PLCE1: variants seen among roughly 807,000 people sequenced by gnomAD.
The protein encoded by PLCE1 is 1-phosphatidylinositol 4,5-bisphosphate phosphodiesterase epsilon-1.
A neutral mutation model predicts 242.8 loss-of-function variants in PLCE1; 119 were observed. The observed-to-expected ratio is 0.49, with a 90% CI of 0.42 to 0.57. The LOEUF (loss-of-function observed/expected upper bound fraction) is 0.57, where lower values mean the gene tolerates loss of function less well. Ranked by LOEUF, PLCE1 falls within the 20% of genes least tolerant of loss-of-function variation. The pLI is 0.00. For synonymous variants in PLCE1, 945 were observed against 1,017.4 expected, an observed-to-expected ratio of 0.93 and a Z score of 1.35; for missense variants, 2,441 against 2,788.8, an observed-to-expected ratio of 0.88 and a Z score of 2.81.
chr10:94,048,037 C>A (rs10882389), intron 2 of PLCE1, among the ~76,000 whole-genome samples: 49,070 of 151,928 alleles, frequency 0.32, 8,646 homozygotes, highest in African/African-American at 0.47. Context: ...TGTGTACAAT[C>A]TTTTGGGACT....
At chr10:94,041,068 C>T (rs1208508305) in intron 2 of PLCE1, among the ~76,000 whole-genome samples, 1 of 151,982 alleles carries the variant, frequency 6.6e-6, no homozygotes, top group Non-Finnish European at 1.5e-5. Flanking sequence ...TGGCTTAGAA[C>T]ATCCCTCGCT....
At position 94,268,912 on chromosome 10, in the gene PLCE1, G is replaced by T. The variant is rs372556421; in HGVS notation, c.4282-17G>T. 21 of 1,506,958 alleles carry T rather than the reference G, an allele frequency of 1.4e-5. No individual in the cohort carries two copies. In the African/African-American group the frequency reaches 2.1e-4, roughly 15 times the overall value. The allele number at this position is 1,506,958 out of a possible 1,614,324, so 93.3% of individuals were successfully genotyped here. On this transcript the variant is annotated splice_polypyrimidine_tract_variant and intron_variant, in intron 16 of 32. Coordinates refer to ENST00000371380, the MANE Select transcript of PLCE1 (RefSeq NM_016341.4). ...CCAGGTGCTCACCTGGGGTGGATTCGCTCATTGATCACACAGGTCCTTTTG... is the reference window on the plus strand; with the variant it reads ...CCAGGTGCTCACCTGGGGTGGATTCTCTCATTGATCACACAGGTCCTTTTG...
chr10:94,234,390 A>G, intron 6 of PLCE1, 78 bp downstream of exon 6: 1 of 1,433,162 alleles, frequency 7.0e-7, no homozygotes, highest in East Asian at 2.3e-5. Flanking sequence ...TGTGCTCACC[A>G]AAGAAATGAT....
At chr10:94,324,863 C>T (rs1165233337) in intron 31 of PLCE1, 29 bp from the exon 32 acceptor site, 2 of 1,607,504 alleles carry the variant, frequency 1.2e-6, no homozygotes, top group East Asian at 4.5e-5. Context: ...TTTAACCTAA[C>T]ACCAATGGAA....
intron 7 of PLCE1, among the ~76,000 whole-genome samples, chr10:94,239,340 A>T (rs939882342): frequency 1.3e-5 from 2 of 152,140 alleles, no homozygotes; most frequent in African/African-American, 4.8e-5. Context: ...TTCTCATGAG[A>T]TCTGATGGCT....
intron 3 of PLCE1, among the ~76,000 whole-genome samples, chr10:94,141,456 AGG>A (rs1334270250): frequency 6.6e-6 from 1 of 151,868 alleles, no homozygotes; most frequent in African/African-American, 2.4e-5. Flanking sequence ...AAAGAGAGAG[AGG>A]GAGAGGGAGA....
In PLCE1 at chr10:94,246,103, T is replaced by C; in HGVS notation, c.2578T>C (p.Phe860Leu). 6.2e-7 allele frequency: 1 copy of C among 1,614,102 alleles called. No homozygotes were observed. The highest frequency in any genetic ancestry group is 8.5e-7 in the Non-Finnish European group (1 of 1,179,998). The change falls in exon 8 of 33, where the codon TTC (phenylalanine) becomes CTC (leucine). Residue 860 changes from phenylalanine to leucine, a missense_variant. Phe to Leu is a conservative substitution (Grantham distance 22, BLOSUM62 0). Around this residue, in one of 5 missense-constraint regions of PLCE1, gnomAD observed 733 missense variants for 754.2 expected, o/e 0.97. Transcript: ENST00000371380. ...GTCCATCCAAGCCGATGTGCACCAG[T>C]TCCTGCTGCAGGGGGCCACGGTCAT... ...VLSIQADVHQ[F>L]LLQGATVIHY...
chr10:94,290,398 A>T (rs2052602523), intron 22 of PLCE1, among the ~76,000 whole-genome samples: 1 of 143,072 alleles, frequency 7.0e-6, no homozygotes, highest in African/African-American at 2.6e-5. Context: ...ATTCTGTAAG[A>T]TTTTCTCTAT....
At chr10:94,006,509 C>G (rs956012270) in intron 1 of PLCE1, among the ~76,000 whole-genome samples, 94 of 152,318 alleles carry the variant, frequency 6.2e-4, no homozygotes, top group African/African-American at 2.2e-3. Context: ...CATTCTCAGC[C>G]TCAGTTTCAA....
intron 4 of PLCE1, among the ~76,000 whole-genome samples, chr10:94,195,194 T>C (rs2048781898): frequency 6.6e-6 from 1 of 152,166 alleles, no homozygotes; most frequent in Non-Finnish European, 1.5e-5. Flanking sequence ...ACGCTGAATA[T>C]ATACTTCAGA....
intron 22 of PLCE1, among the ~76,000 whole-genome samples, chr10:94,285,890 G>A (rs1462302133): frequency 6.6e-6 from 1 of 152,190 alleles, no homozygotes; most frequent in East Asian, 1.9e-4. Flanking sequence ...TCCAAAAACA[G>A]TGTCCTTTTC....
intron 2 of PLCE1, among the ~76,000 whole-genome samples, chr10:94,066,194 G>A (rs1332955760): frequency 6.6e-6 from 1 of 152,104 alleles, no homozygotes; most frequent in Non-Finnish European, 1.5e-5. Flanking sequence ...GGAGAGGAAA[G>A]GGAAAGGGTG....
intron 3 of PLCE1, chr10:94,138,434 C>A: frequency 2.4e-6 from 1 of 414,186 alleles, no homozygotes; most frequent in Non-Finnish European, 4.7e-6. Context: ...TGCTATTAAC[C>A]ACCCACTCTG....
intron 2 of PLCE1, among the ~76,000 whole-genome samples, chr10:94,073,053 C>A (rs1345172647): frequency 6.6e-6 from 1 of 152,066 alleles, no homozygotes; most frequent in African/African-American, 2.4e-5. Context: ...CACTTCCTAC[C>A]CCAGGGCACA....
rs1366905554 is a variant in PLCE1, at chr10:94,234,330, C to T, written c.2214+18C>T. The T allele has an allele frequency of 1.2e-6, 2 of 1,612,684 alleles. No homozygotes were observed. Among genetic ancestry groups the T allele is most frequent in the South Asian group, 2.2e-5 (2 of 91,014 alleles). The stretch of plus-strand genomic sequence containing the variant: ...CTTTAGAGGTAAGGCCTTTCAGAAT[C>T]ATCGTGGCCTGAAGAGCCACTGTTG... On this transcript the variant is annotated intron_variant, in intron 6 of 32. Transcript: ENST00000371380.
intron 13 of PLCE1, among the ~76,000 whole-genome samples, chr10:94,260,636 TATC>T (rs1415134306): frequency 1.3e-5 from 2 of 151,590 alleles, no homozygotes; most frequent in Non-Finnish European, 2.9e-5. Flanking sequence ...TTTTATTATT[TATC>T]ATGATTTTCA....
rs904037434 is a variant in PLCE1, at chr10:94,165,832, C to T, written c.1493-5348C>T. Among the ~76,000 whole-genome samples the T allele has an allele frequency of 2.6e-5, 4 of 151,916 alleles. No homozygotes were observed. In the East Asian group the frequency reaches 5.8e-4, roughly 22 times the overall value. On this transcript the variant is annotated intron_variant, in intron 3 of 32. Transcript: ENST00000371380. ...AAGTGATTCTTGTGCCTCAGTCTCC[C>T]GAGTAGCTGGGATTACAGGTGCCCA...
intron 3 of PLCE1, among the ~76,000 whole-genome samples, chr10:94,167,406 A>C (rs1391801587): frequency 6.6e-6 from 1 of 152,112 alleles, no homozygotes; most frequent in Non-Finnish European, 1.5e-5. Flanking sequence ...CTTATTGTTT[A>C]TGTCCTTTCC....
chr10:94,046,720 G>A (rs1308516043), intron 2 of PLCE1, among the ~76,000 whole-genome samples: 1 of 152,200 alleles, frequency 6.6e-6, no homozygotes, highest in African/African-American at 2.4e-5. Flanking sequence ...AAAGGTATGA[G>A]GTTAGGGGCA....
Sources: allele counts gnomAD v4.1 joint callset (sites outside exome capture counted in the v4.1 genomes callset), GRCh38; gene constraint gnomAD v4.1.1; regional missense constraint gnomAD v4.1.1; transcripts MANE v1.5; gene names NCBI Gene and HGNC (gene_info 2026-07-23, HGNC 2026-07-21).